Variants in IL34 observed in about 807,000 individuals in gnomAD.
IL34 encodes interleukin-34.
A neutral mutation model predicts 25.3 loss-of-function variants in IL34; 17 were observed. The ratio of observed to expected loss-of-function variants is 0.67; its 90% CI spans 0.46 to 1.01. The LOEUF is 1.01. Among genes scored for constraint, IL34 ranks in the 50% least tolerant of loss-of-function variants. The pLI, the probability that IL34 is intolerant of heterozygous loss-of-function variation, is 0.00. For missense variants in IL34, 368 were observed against 312.9 expected, an observed-to-expected ratio of 1.18 and a Z score of -1.33; for synonymous variants, 174 against 140.9, an observed-to-expected ratio of 1.23 and a Z score of -1.66.
intron 1 of IL34, among the ~76,000 whole-genome samples, chr16:70,629,536 C>A (rs2051470560): frequency 6.6e-6 from 1 of 152,108 alleles, no homozygotes; most frequent in African/African-American, 2.4e-5. Flanking sequence ...CCTACTTACA[C>A]CCTCCTGTGT....
At chr16:70,606,625 T>C (rs1431300338) in intron 1 of IL34, among the ~76,000 whole-genome samples, 2 of 152,170 alleles carry the variant, frequency 1.3e-5, no homozygotes, top group South Asian at 2.1e-4. Context: ...TCTCGTTCTG[T>C]TGTCCAGGCT....
intron 1 of IL34, among the ~76,000 whole-genome samples, chr16:70,586,775 C>T (rs2050699771): frequency 6.6e-6 from 1 of 152,180 alleles, no homozygotes; most frequent in African/African-American, 2.4e-5. Flanking sequence ...TGAGTCTCCC[C>T]CATTTTACAG....
chr16:70,634,738 C>A (rs1206542196), intron 1 of IL34, among the ~76,000 whole-genome samples: 1 of 151,996 alleles, frequency 6.6e-6, no homozygotes, highest in African/African-American at 2.4e-5. Flanking sequence ...CAGATCCTTA[C>A]CACCACCAGC....
At chr16:70,655,041 T>G (rs1035305567) in intron 2 of IL34, among the ~76,000 whole-genome samples, 1 of 151,442 alleles carries the variant, frequency 6.6e-6, no homozygotes, top group Non-Finnish European at 1.5e-5. Flanking sequence ...TGGAGATGTC[T>G]GTGTGGCTCT....
chr16:70,613,240 GT>G (rs1206702055), intron 1 of IL34, among the ~76,000 whole-genome samples: 1 of 152,218 alleles, frequency 6.6e-6, no homozygotes, highest in East Asian at 1.9e-4. Context: ...CTGGTAAGTG[GT>G]TTATTTCTCC....
At chr16:70,580,528 T>C (rs2050625228) in intron 1 of IL34, among the ~76,000 whole-genome samples, 1 of 152,250 alleles carries the variant, frequency 6.6e-6, no homozygotes, top group African/African-American at 2.4e-5. Flanking sequence ...GCCTGTAATC[T>C]GTAATCCCAG....
At chr16:70,624,158 G>A (rs2051339997) in intron 1 of IL34, among the ~76,000 whole-genome samples, 1 of 152,056 alleles carries the variant, frequency 6.6e-6, no homozygotes, top group Admixed American at 6.6e-5. Flanking sequence ...TTTTCAGTGG[G>A]GTCCCACACA....
intron 1 of IL34, among the ~76,000 whole-genome samples, chr16:70,586,511 G>A (rs1044792418): frequency 4.6e-5 from 7 of 152,128 alleles, no homozygotes; most frequent in East Asian, 1.9e-4. Flanking sequence ...AGCTGTGTTC[G>A]CGCCACTGCA....
intron 1 of IL34, among the ~76,000 whole-genome samples, chr16:70,589,891 G>T (rs1189939376): frequency 2.0e-5 from 3 of 152,136 alleles, no homozygotes; most frequent in Admixed American, 2.0e-4. Flanking sequence ...CCAGAGTGTT[G>T]GGATTACAGG....
At chr16:70,605,841 T>C (rs1461924495) in intron 1 of IL34, among the ~76,000 whole-genome samples, 2 of 151,930 alleles carry the variant, frequency 1.3e-5, no homozygotes, top group African/African-American at 2.4e-5. Context: ...CACCTAATTT[T>C]TTGTGTTTTT....
At chr16:70,640,048 G>T (rs1471543669) in intron 1 of IL34, among the ~76,000 whole-genome samples, 1 of 152,144 alleles carries the variant, frequency 6.6e-6, no homozygotes, top group African/African-American at 2.4e-5. Context: ...CTTTTTAAAA[G>T]AAAAACTTTA....
At chr16:70,584,889 C>T (rs1333086891) in intron 1 of IL34, among the ~76,000 whole-genome samples, 2 of 151,996 alleles carry the variant, frequency 1.3e-5, no homozygotes, top group Non-Finnish European at 2.9e-5. Context: ...TTAGTAGAGA[C>T]AGGGTTTCAC....
At chr16:70,597,620 C>T (rs2050842973) in intron 1 of IL34, among the ~76,000 whole-genome samples, 1 of 152,242 alleles carries the variant, frequency 6.6e-6, no homozygotes, top group Admixed American at 6.5e-5. Context: ...ATGTTTCAAA[C>T]ATATGTATCT....
intron 1 of IL34, among the ~76,000 whole-genome samples, chr16:70,596,025 A>G (rs1209074703): frequency 2.7e-5 from 4 of 150,912 alleles, no homozygotes; most frequent in Admixed American, 6.6e-5. Context: ...AAAAAAAAAA[A>G]GAAAGTTGTA....
intron 1 of IL34, among the ~76,000 whole-genome samples, chr16:70,638,103 C>A (rs2051696844): frequency 6.6e-6 from 1 of 152,072 alleles, no homozygotes; most frequent in African/African-American, 2.4e-5. Flanking sequence ...AAAAGTGGAC[C>A]CATGCACTCT....
chr16:70,606,021 A>G (rs925020725), intron 1 of IL34, among the ~76,000 whole-genome samples: 3 of 146,814 alleles, frequency 2.0e-5, no homozygotes, highest in African/African-American at 7.7e-5. Context: ...GAGTGATGGC[A>G]GACATCACTA....
At chr16:70,648,281 G>A (rs1342771407) in intron 1 of IL34, among the ~76,000 whole-genome samples, 1 of 152,220 alleles carries the variant, frequency 6.6e-6, no homozygotes, top group Non-Finnish European at 1.5e-5. Context: ...GGGATGCTGG[G>A]CTGGTGGCTC....
chr16:70,641,173 C>T (rs1365532652), intron 1 of IL34, among the ~76,000 whole-genome samples: 4 of 152,050 alleles, frequency 2.6e-5, no homozygotes, highest in African/African-American at 9.7e-5. Flanking sequence ...GCTTGGGAGG[C>T]TAAGCAGGGG....
intron 1 of IL34, among the ~76,000 whole-genome samples, chr16:70,603,263 C>A (rs938446787): frequency 9.2e-5 from 14 of 152,002 alleles, no homozygotes; most frequent in African/African-American, 2.9e-4. Flanking sequence ...ATAAATATAC[C>A]ATTTATTTAT....
Sources: gnomAD v4.1 joint callset for allele counts (sites outside exome capture counted in the v4.1 genomes callset) on GRCh38, gnomAD v4.1.1 for gene constraint, MANE v1.5 for transcripts, NCBI Gene and HGNC (gene_info 2026-07-23, HGNC 2026-07-21) for gene names.